ADCY5: variants seen among roughly 807,000 people sequenced by gnomAD.
The protein encoded by ADCY5 is adenylate cyclase 5.
In ADCY5, 30 loss-of-function variants were observed where a neutral mutation model predicts 119.7. The ratio of observed to expected loss-of-function variants is 0.25; its 90% CI spans 0.19 to 0.34. ADCY5 has a LOEUF of 0.34. Ranked by LOEUF, ADCY5 falls within the 10% of genes least tolerant of loss-of-function variation. The pLI is 1.00. For synonymous variants in ADCY5, 753 were observed against 762.2 expected, an observed-to-expected ratio of 0.99 and a Z score of 0.20; for missense variants, 1,324 against 1,775.2, an observed-to-expected ratio of 0.75 and a Z score of 4.57.
chr3:123,366,438 T>C (rs1365481714), intron 1 of ADCY5, among the ~76,000 whole-genome samples: 2 of 152,218 alleles, frequency 1.3e-5, no homozygotes, highest in African/African-American at 4.8e-5. Context: ...CGATTTCAGA[T>C]GGTACACCCA....
At position 123,412,505 on chromosome 3, in the gene ADCY5, G is replaced by A. The variant is rs1212212529; in HGVS notation, c.1134+34907C>T. On this transcript the variant is annotated intron_variant, in intron 1 of 20. Coordinates refer to ENST00000462833, the MANE Select transcript of ADCY5 (RefSeq NM_183357.3). The stretch of plus-strand genomic sequence containing the variant: ...ATGGTTTGGGAGTGAGATTTCAAGC[G>A]TATGAAGACAGCAGTTACAGCACTG... 3.3e-5 allele frequency among the ~76,000 whole-genome samples: 5 copies of A among 152,180 alleles called. No homozygotes were observed. The South Asian group carries it at 6.2e-4, about 19-fold the overall frequency.
At chr3:123,380,768 C>A (rs1944004657) in intron 1 of ADCY5, among the ~76,000 whole-genome samples, 1 of 152,238 alleles carries the variant, frequency 6.6e-6, no homozygotes, top group Non-Finnish European at 1.5e-5. Context: ...AAAGTGCTAA[C>A]TGTGCTCAAT....
chr3:123,297,509 A>G, intron 15 of ADCY5, 127 bp from the exon 16 acceptor site: 6 of 1,064,752 alleles, frequency 5.6e-6, no homozygotes, highest in Non-Finnish European at 8.7e-6. Flanking sequence ...CCCCAGCCCC[A>G]TTCACCCTCC....
At chr3:123,331,317 C>G (rs750252145) in intron 4 of ADCY5, among the ~76,000 whole-genome samples, 1 of 152,182 alleles carries the variant, frequency 6.6e-6, no homozygotes, top group African/African-American at 2.4e-5. Context: ...TTTGGCTGGT[C>G]GAACTGCAGC....
chr3:123,363,144 A>G (rs1408478964), intron 1 of ADCY5, among the ~76,000 whole-genome samples: 5 of 116,806 alleles, frequency 4.3e-5, no homozygotes, highest in East Asian at 3.7e-4. Flanking sequence ...TTCCTTCTTG[A>G]AAAAAAAAAA....
intron 3 of ADCY5, among the ~76,000 whole-genome samples, chr3:123,334,774 G>A (rs952439572): frequency 7.9e-5 from 12 of 152,250 alleles, no homozygotes; most frequent in African/African-American, 2.6e-4. Context: ...ATTAAATATT[G>A]ACAAATGATA....
chr3:123,342,868 C>G (rs989763576), intron 3 of ADCY5, among the ~76,000 whole-genome samples: 1 of 152,146 alleles, frequency 6.6e-6, no homozygotes, highest in Non-Finnish European at 1.5e-5. Context: ...TGTTGAGTTA[C>G]CTGACCTTGA....
chr3:123,394,234 T>C (rs192143588), intron 1 of ADCY5, among the ~76,000 whole-genome samples: 29 of 152,364 alleles, frequency 1.9e-4, no homozygotes, highest in African/African-American at 6.7e-4. Context: ...AAACATTTCT[T>C]TTCATCCAAA....
At chr3:123,322,113 C>A (rs886847895) in intron 8 of ADCY5, among the ~76,000 whole-genome samples, 1 of 152,198 alleles carries the variant, frequency 6.6e-6, no homozygotes, top group Non-Finnish European at 1.5e-5. Flanking sequence ...CAGGCCCGTG[C>A]CTGATGCTCC....
Position 123,284,390 on chromosome 3 carries a change from G to T in ADCY5, c.*218C>A. 1.6e-6 allele frequency: 1 copy of T among 622,880 alleles called. No individual in the cohort carries two copies. Among genetic ancestry groups the T allele is most frequent in the Non-Finnish European group, 2.7e-6 (1 of 366,198 alleles). 38.6% of individuals were successfully genotyped at this position (622,880 alleles called of 1,614,324 possible). A position where few individuals can be genotyped will look rare whatever the true frequency, so the allele number is the denominator to read the frequency against. ...GTCTTCTACAGAGGGAAACATCTTT[G>T]GTCAGCTGGGTGCTCGCAGGACGCT... On this transcript the variant is annotated 3_prime_UTR_variant, in exon 21 of 21. Transcript: ENST00000462833.
chr3:123,379,395 C>A (rs56276445), intron 1 of ADCY5, among the ~76,000 whole-genome samples: 73,803 of 151,684 alleles, frequency 0.49, 18,938 homozygotes, highest in East Asian at 0.68. Context: ...TGGACCATGA[C>A]CTCCCATTAG....
At chr3:123,426,527 C>A (rs1195471237) in intron 1 of ADCY5, among the ~76,000 whole-genome samples, 1 of 151,994 alleles carries the variant, frequency 6.6e-6, no homozygotes, top group Non-Finnish European at 1.5e-5. Context: ...GGTTTCACCA[C>A]ATTGGCGCAG....
chr3:123,330,038 C>T (rs1302406450), intron 5 of ADCY5, among the ~76,000 whole-genome samples: 1 of 152,228 alleles, frequency 6.6e-6, no homozygotes, highest in African/African-American at 2.4e-5. Context: ...GCCGTGTCCA[C>T]ATGACGTGCC....
chr3:123,362,034 A>G (rs1365092019), intron 1 of ADCY5, among the ~76,000 whole-genome samples: 3 of 152,220 alleles, frequency 2.0e-5, no homozygotes, highest in African/African-American at 7.2e-5. Flanking sequence ...ATTCCACAGC[A>G]CAGATCTACC....
In ADCY5 at chr3:123,419,493, C is replaced by T. The variant is rs150404060; in HGVS notation, c.1134+27919G>A. Among the ~76,000 whole-genome samples the T allele has an allele frequency of 3.0e-4, 45 of 152,146 alleles. No homozygotes were observed. In the East Asian group the frequency reaches 5.6e-3, roughly 19 times the overall value. On this transcript the variant is annotated intron_variant, in intron 1 of 20. Transcript: ENST00000462833. Reference sequence around the variant, plus strand: ...ATCCTGTAAATGCTCCCTGTCCAACCGACCGTGCACTCCTGCCTGCAGACC... The same window carrying T: ...ATCCTGTAAATGCTCCCTGTCCAACTGACCGTGCACTCCTGCCTGCAGACC...
At chr3:123,310,088 TAA>T (rs1439612849) in intron 12 of ADCY5, among the ~76,000 whole-genome samples, 1 of 115,240 alleles carries the variant, frequency 8.7e-6, no homozygotes, top group Non-Finnish European at 1.7e-5. Flanking sequence ...GGCTGGGGGA[TAA>T]GAGAGAGAGA....
intron 8 of ADCY5, among the ~76,000 whole-genome samples, chr3:123,322,466 A>G (rs939664748): frequency 2.0e-5 from 3 of 152,164 alleles, no homozygotes; most frequent in Non-Finnish European, 2.9e-5. Flanking sequence ...TGGAGAGCTC[A>G]GCGCCAGGTC....
At chr3:123,444,774 G>A (rs750973341) in intron 1 of ADCY5, among the ~76,000 whole-genome samples, 3 of 152,214 alleles carry the variant, frequency 2.0e-5, no homozygotes, top group Non-Finnish European at 4.4e-5. Context: ...AGTTTACTGA[G>A]GGCCTACTAT....
At chr3:123,417,971 C>T (rs1163489958) in intron 1 of ADCY5, among the ~76,000 whole-genome samples, 1 of 152,216 alleles carries the variant, frequency 6.6e-6, no homozygotes, top group Non-Finnish European at 1.5e-5. Flanking sequence ...GCCATGACTA[C>T]CAACAATTCT....
Sources: allele counts gnomAD v4.1 joint callset (sites outside exome capture counted in the v4.1 genomes callset), GRCh38; gene constraint gnomAD v4.1.1; transcripts MANE v1.5; gene names NCBI Gene and HGNC (gene_info 2026-07-23, HGNC 2026-07-21).